The following KIRREL3 variants were observed in gnomAD, a reference collection of about 807,000 sequenced individuals.
KIRREL3 encodes kin of IRRE-like protein 3.
In KIRREL3, 36 loss-of-function variants were observed where a neutral mutation model predicts 89.7. That is an observed-to-expected ratio of 0.40 (90% CI 0.31 to 0.53). The LOEUF is 0.53. Among genes scored for constraint, KIRREL3 ranks in the 20% least tolerant of loss-of-function variants. The pLI, the probability that KIRREL3 is intolerant of heterozygous loss-of-function variation, is 0.49. For synonymous variants in KIRREL3, 445 were observed against 441.4 expected (o/e 1.01, Z -0.10); for missense variants, 864 against 1,056.6 (o/e 0.82, Z 2.53).
rs1943834392 is a variant in KIRREL3, at chr11:126,627,338, T to A, written c.56-64426A>T. On this transcript the variant is annotated intron_variant, in intron 1 of 16. Coordinates refer to ENST00000525144, the MANE Select transcript of KIRREL3 (RefSeq NM_032531.4). The surrounding 1 kb of genome is among the most constrained non-coding windows in gnomAD (Gnocchi z 5.0). The stretch of plus-strand genomic sequence containing the variant: ...AGGTGGCCAAGGGCCTTGAAAACCA[T>A]GTTGAAGCATGGTGACCTGGTCTGT... Among the ~76,000 whole-genome samples, 1 of 152,100 alleles carries A rather than the reference T, an allele frequency of 6.6e-6. No individual in the cohort carries two copies. The highest frequency in any genetic ancestry group is 1.5e-5 in the Non-Finnish European group (1 of 68,014).
At position 126,870,563 on chromosome 11, in the gene KIRREL3, C is replaced by T. The variant is rs1408696919; in HGVS notation, c.55+129892G>A. Among the ~76,000 whole-genome samples the T allele has an allele frequency of 3.3e-5, 5 of 152,222 alleles. No individual in the cohort carries two copies. The highest frequency in any genetic ancestry group is 3.3e-4 in the Admixed American group (5 of 15,292). On this transcript the variant is annotated intron_variant, in intron 1 of 16. Transcript: ENST00000525144. This position sits in a 1 kb window ranked among gnomAD's most constrained non-coding sequence, Gnocchi z 4.4. ...CCTGGCCCGGCTCCCATAGTGGCCCCTCCTGGCTCCACCATACCCTCACCA... is the reference window on the plus strand; with the variant it reads ...CCTGGCCCGGCTCCCATAGTGGCCCTTCCTGGCTCCACCATACCCTCACCA...
intron 1 of KIRREL3, among the ~76,000 whole-genome samples, chr11:126,825,195 C>T (rs4451738): frequency 0.86 from 131,402 of 152,182 alleles, 57,079 homozygotes; most frequent in East Asian, 1. Flanking sequence ...CCAATCAAAA[C>T]GAAGCGCTTG....
chr11:126,614,410 G>A lies in KIRREL3; in HGVS notation c.56-51498C>T, dbSNP rs1943261446. ...TGTTTTCTCAAGTGCAAAAGGAAAG[G>A]TTGAACTAAGATGGATGGGTTTTAA... is the stretch of plus-strand genomic sequence containing the variant. On this transcript the variant is annotated intron_variant, in intron 1 of 16. Coordinates refer to ENST00000525144, the MANE Select transcript of KIRREL3 (RefSeq NM_032531.4). This position sits in a 1 kb window ranked among gnomAD's most constrained non-coding sequence, Gnocchi z 4.6. Among the ~76,000 whole-genome samples, 1 of 152,154 alleles carries A rather than the reference G, an allele frequency of 6.6e-6. No homozygotes were observed. The highest frequency in any genetic ancestry group is 1.5e-5 in the Non-Finnish European group (1 of 68,030).
intron 4 of KIRREL3, among the ~76,000 whole-genome samples, chr11:126,483,382 G>A (rs114681268): frequency 8.5e-5 from 13 of 152,222 alleles, no homozygotes; most frequent in Non-Finnish European, 1.8e-4. Flanking sequence ...TTAATCTATC[G>A]TTTGTTACAC....
At chr11:126,435,970 C>T (rs1375190838) in intron 12 of KIRREL3, among the ~76,000 whole-genome samples, 1 of 152,248 alleles carries the variant, frequency 6.6e-6, no homozygotes, top group African/African-American at 2.4e-5. Context: ...TCAACTGCCC[C>T]TCTCAGAACC....
rs909986831 is a variant in KIRREL3 at position 126,557,490 on chromosome 11, T to C, written c.133+5345A>G. Among the ~76,000 whole-genome samples, 1 of 152,190 alleles carries C rather than the reference T, an allele frequency of 6.6e-6. No homozygotes were observed. The highest frequency in any genetic ancestry group is 1.5e-5 in the Non-Finnish European group (1 of 68,030). Reference sequence around the variant, plus strand: ...CATCTTATGAAACATGATTCCATTTTGCACATGAGAAGGTTGAGATCTTAG... The same window carrying C: ...CATCTTATGAAACATGATTCCATTTCGCACATGAGAAGGTTGAGATCTTAG... On this transcript the variant is annotated intron_variant, in intron 2 of 16. Transcript: ENST00000525144. The surrounding 1 kb of genome is among the most constrained non-coding windows in gnomAD (Gnocchi z 5.6).
At chr11:126,631,763 T>A (rs1386547874) in intron 1 of KIRREL3, among the ~76,000 whole-genome samples, 1 of 152,184 alleles carries the variant, frequency 6.6e-6, no homozygotes, top group Non-Finnish European at 1.5e-5. Flanking sequence ...CCTACAACAA[T>A]CTCACAAAAG....
intron 1 of KIRREL3, among the ~76,000 whole-genome samples, chr11:126,874,727 T>A (rs1037664897): frequency 1.3e-5 from 2 of 152,166 alleles, no homozygotes; most frequent in African/African-American, 4.8e-5. Context: ...ACTTTCCTTT[T>A]GAGAGGGGAG....
At chr11:126,678,306 TAAG>T (rs1946288296) in intron 1 of KIRREL3, among the ~76,000 whole-genome samples, 3 of 151,266 alleles carry the variant, frequency 2.0e-5, no homozygotes, top group Admixed American at 2.0e-4. Context: ...AAGGCCGAGA[TAAG>T]AAGTGAAGGG....
intron 1 of KIRREL3, among the ~76,000 whole-genome samples, chr11:126,922,698 A>C (rs1001892253): frequency 6.6e-6 from 1 of 150,416 alleles, no homozygotes; most frequent in Non-Finnish European, 1.5e-5. Context: ...ACAAATAAAA[A>C]GCAGCAGGAG....
At chr11:126,582,606 G>A (rs1379771779) in intron 1 of KIRREL3, among the ~76,000 whole-genome samples, 1 of 152,174 alleles carries the variant, frequency 6.6e-6, no homozygotes, top group African/African-American at 2.4e-5. Context: ...TTAGCTGCAG[G>A]TCAGGTGGGG....
At chr11:126,854,501 T>C (rs1199921016) in intron 1 of KIRREL3, among the ~76,000 whole-genome samples, 2 of 152,226 alleles carry the variant, frequency 1.3e-5, no homozygotes, top group Non-Finnish European at 2.9e-5. Context: ...GTCTGGCTTA[T>C]TTAACTTAGC....
chr11:126,996,042 C>A lies in KIRREL3; in HGVS notation c.55+4413G>T, dbSNP rs537888400. Among the ~76,000 whole-genome samples, 4 of 152,286 alleles carry A rather than the reference C, an allele frequency of 2.6e-5. No homozygotes were observed. Among genetic ancestry groups the A allele is most frequent in the African/African-American group, 9.6e-5 (4 of 41,548 alleles). The stretch of plus-strand genomic sequence containing the variant: ...TTGACCCCACCCCACTCGTCCTCCC[C>A]CTAGGGACTTTCTTTTCCATCCTCA... On this transcript the variant is annotated intron_variant, in intron 1 of 16. Coordinates refer to ENST00000525144, the MANE Select transcript of KIRREL3 (RefSeq NM_032531.4). This position sits in a 1 kb window ranked among gnomAD's most constrained non-coding sequence, Gnocchi z 4.7.
chr11:126,483,753 T>A (rs1187441599), intron 4 of KIRREL3, among the ~76,000 whole-genome samples: 1 of 152,250 alleles, frequency 6.6e-6, no homozygotes, highest in African/African-American at 2.4e-5. Context: ...CTTTTACAAA[T>A]ACACGCTTTG....
chr11:126,980,923 G>T (rs1949705137), intron 1 of KIRREL3, among the ~76,000 whole-genome samples: 1 of 152,212 alleles, frequency 6.6e-6, no homozygotes, highest in Non-Finnish European at 1.5e-5. Context: ...TGCTAGGAGT[G>T]TGAACGTGGA....
intron 1 of KIRREL3, among the ~76,000 whole-genome samples, chr11:126,626,833 C>G (rs2134863776): frequency 6.6e-6 from 1 of 152,188 alleles, no homozygotes. Context: ...ATGTTTCACC[C>G]CATGTTTCTA....
chr11:126,670,507 T>C (rs1945887600), intron 1 of KIRREL3, among the ~76,000 whole-genome samples: 1 of 152,070 alleles, frequency 6.6e-6, no homozygotes, highest in Non-Finnish European at 1.5e-5. Flanking sequence ...AAGGAAGAAA[T>C]AAAACTGTCT....
chr11:126,656,120 G>A lies in KIRREL3; in HGVS notation c.56-93208C>T, dbSNP rs1355475814. 2.2e-6 allele frequency: 1 copy of A among 456,144 alleles called. No individual in the cohort carries two copies. Among genetic ancestry groups the A allele is most frequent in the Non-Finnish European group, 4.4e-6 (1 of 226,952 alleles). The allele number at this position is 456,144 out of a possible 1,614,324, so 28.3% of individuals were successfully genotyped here. On this transcript the variant is annotated intron_variant, in intron 1 of 16. Transcript: ENST00000525144. This position sits in a 1 kb window ranked among gnomAD's most constrained non-coding sequence, Gnocchi z 4.0. ...TGCTGTGCAAAGGAATAAGAAACTA[G>A]TGCTGTCTCGGGAACCAGCAACACA...
chr11:126,799,091 T>G (rs1045022181), intron 1 of KIRREL3, among the ~76,000 whole-genome samples: 137 of 149,840 alleles, frequency 9.1e-4, no homozygotes, highest in Non-Finnish European at 1.7e-3. Context: ...TGTGCATGCA[T>G]GTATCTGTGC....
Sources: allele counts gnomAD v4.1 joint callset (sites outside exome capture counted in the v4.1 genomes callset), GRCh38; gene constraint gnomAD v4.1.1; non-coding constraint Gnocchi (gnomAD v3.1); transcripts MANE v1.5; gene names NCBI Gene and HGNC (gene_info 2026-07-23, HGNC 2026-07-21).